SYTL3: variants seen among roughly 807,000 people sequenced by gnomAD.
The protein encoded by SYTL3 is synaptotagmin-like protein 3.
A neutral mutation model predicts 82.1 loss-of-function variants in SYTL3; 88 were observed. That is an observed-to-expected ratio of 1.07 (90% CI 0.90 to 1.28). The LOEUF (loss-of-function observed/expected upper bound fraction) is 1.28. SYTL3 is among the 50% of genes most tolerant of loss of function. The pLI is 0.00. For synonymous variants in SYTL3, 311 were observed against 289.4 expected (o/e 1.07, Z -0.76); for missense variants, 831 against 757.6 (o/e 1.10, Z -1.14).
chr6:158,683,077 C>T (rs1228062602), intron 6 of SYTL3, 88 bp downstream of exon 6: 2 of 957,634 alleles, frequency 2.1e-6, no homozygotes, highest in Non-Finnish European at 3.3e-6. Flanking sequence ...ATATAAGCAA[C>T]ATGATGGGTG....
At position 158,761,673 on chromosome 6, in the gene SYTL3, A is replaced by G. The variant is rs1583523264; in HGVS notation, c.1415-403A>G. On this transcript the variant is annotated intron_variant, in intron 15 of 17. Coordinates refer to ENST00000611299, the MANE Select transcript of SYTL3 (RefSeq NM_001242394.2). ...TTTGGCTAGAAGAGGAAATTCTGCT[A>G]CCCAAGTTCACGGGGTCACCAGCAG... Among the ~76,000 whole-genome samples the G allele has an allele frequency of 2.6e-5, 4 of 152,202 alleles. No individual in the cohort carries two copies. The East Asian group carries it at 7.7e-4, about 29-fold the overall frequency.
Position 158,764,623 on chromosome 6 carries a change from C to A in SYTL3, c.*19C>A. 2 of 1,586,158 alleles carry A rather than the reference C, an allele frequency of 1.3e-6. No homozygotes were observed. Among genetic ancestry groups the A allele is most frequent in the South Asian group, 2.2e-5 (2 of 90,564 alleles). On this transcript the variant is annotated 3_prime_UTR_variant, in exon 18 of 18. Coordinates refer to ENST00000611299, the MANE Select transcript of SYTL3 (RefSeq NM_001242394.2). ...GCACTGACATGAAGGCCTCAAGGTTCCAGGTTGCAGCAGGCGTGAGGCACT... is the reference window on the plus strand; with the variant it reads ...GCACTGACATGAAGGCCTCAAGGTTACAGGTTGCAGCAGGCGTGAGGCACT...
At chr6:158,724,475 T>C (rs957940466) in intron 10 of SYTL3, among the ~76,000 whole-genome samples, 1 of 151,432 alleles carries the variant, frequency 6.6e-6, no homozygotes, top group Admixed American at 6.6e-5. Context: ...TTGGAAACTG[T>C]ATATTTTCAG....
intron 11 of SYTL3, among the ~76,000 whole-genome samples, chr6:158,743,515 A>G (rs1787197598): frequency 7.1e-6 from 1 of 140,892 alleles, no homozygotes; most frequent in African/African-American, 2.7e-5. Context: ...GGCTGCTCAC[A>G]CCTTTTGCCA....
chr6:158,661,418 T>C (rs905202946), intron 3 of SYTL3, 33 bp downstream of exon 3: 2 of 152,230 alleles, frequency 1.3e-5, no homozygotes, highest in Non-Finnish European at 2.9e-5. Context: ...GCTTTGTGAT[T>C]TTCCCTTCAT....
intron 5 of SYTL3, among the ~76,000 whole-genome samples, chr6:158,666,692 C>G (rs1352627281): frequency 6.6e-6 from 1 of 152,212 alleles, no homozygotes; most frequent in Non-Finnish European, 1.5e-5. Flanking sequence ...GAGGCACTTA[C>G]ACAGTGTGGG....
chr6:158,646,593 A>G (rs536116319), upstream of SYTL3, among the ~76,000 whole-genome samples: 80 of 152,320 alleles, frequency 5.3e-4, no homozygotes, highest in African/African-American at 1.8e-3. Flanking sequence ...AGGGCTGGCG[A>G]GAGGAGGGCA....
chr6:158,680,666 C>G (rs1342762925), intron 5 of SYTL3, among the ~76,000 whole-genome samples: 4 of 151,344 alleles, frequency 2.6e-5, no homozygotes, highest in Non-Finnish European at 5.9e-5. Flanking sequence ...GTGGGAGGAT[C>G]GCTTGAGCCC....
intron 14 of SYTL3, among the ~76,000 whole-genome samples, chr6:158,758,209 G>A (rs1789399783): frequency 6.6e-6 from 1 of 152,130 alleles, no homozygotes; most frequent in African/African-American, 2.4e-5. Context: ...GGGAGGCCGA[G>A]GCGGGCAGAT....
Position 158,682,955 on chromosome 6 carries a change from C to T in SYTL3, c.360C>T (p.Phe120=). 1 of 1,613,476 alleles carries T rather than the reference C, an allele frequency of 6.2e-7. No individual in the cohort carries two copies. ...RNVKIKTGEW[F]YEERAKKFPT... is the part of the protein sequence containing the mutation. ...TCAAAATAAAAACTGGAGAATGGTTCTATGAGGAACGAGCCAAGAAATTTC... is the reference window on the plus strand; with the variant it reads ...TCAAAATAAAAACTGGAGAATGGTTTTATGAGGAACGAGCCAAGAAATTTC... The change falls in exon 6 of 18, where the codon TTC becomes TTT. Residue 120 remains phenylalanine (F), a synonymous_variant. Transcript: ENST00000611299.
intron 6 of SYTL3, among the ~76,000 whole-genome samples, chr6:158,699,336 G>GA (rs1780903464): frequency 6.6e-6 from 1 of 152,204 alleles, no homozygotes; most frequent in South Asian, 2.1e-4. Context: ...CACTGGTATG[G>GA]TTGGGGGTTA....
At chr6:158,735,888 A>G (rs1393616029) in intron 11 of SYTL3, among the ~76,000 whole-genome samples, 2 of 152,214 alleles carry the variant, frequency 1.3e-5, no homozygotes, top group Non-Finnish European at 2.9e-5. Context: ...CTAGAGGGCA[A>G]TTAGCAGTAG....
At chr6:158,652,701 C>T (rs1218962321) in intron 2 of SYTL3, among the ~76,000 whole-genome samples, 1 of 151,796 alleles carries the variant, frequency 6.6e-6, no homozygotes, top group East Asian at 1.9e-4. Context: ...ACCACCATGC[C>T]CGGCTAATTT....
chr6:158,696,915 C>G (rs1780621966), intron 6 of SYTL3, among the ~76,000 whole-genome samples: 1 of 151,874 alleles, frequency 6.6e-6, no homozygotes. Context: ...TAAGACCATT[C>G]AGTAGGGAAA....
chr6:158,678,757 A>T (rs1210505541), intron 5 of SYTL3, among the ~76,000 whole-genome samples: 1 of 152,140 alleles, frequency 6.6e-6, no homozygotes, highest in Non-Finnish European at 1.5e-5. Flanking sequence ...AGGTCTCCTG[A>T]TTCTATAGCT....
intron 13 of SYTL3, among the ~76,000 whole-genome samples, chr6:158,755,719 G>A (rs1284090374): frequency 1.3e-5 from 2 of 152,206 alleles, no homozygotes; most frequent in Non-Finnish European, 2.9e-5. Flanking sequence ...GAACCCCAAA[G>A]CAAACAAACC....
intron 11 of SYTL3, among the ~76,000 whole-genome samples, chr6:158,741,956 G>T (rs9456348): frequency 6.6e-6 from 1 of 152,020 alleles, no homozygotes; most frequent in Non-Finnish European, 1.5e-5. Context: ...CCGCCACTAC[G>T]CTCCTCATCT....
chr6:158,726,994 C>T (rs917919616), intron 11 of SYTL3, among the ~76,000 whole-genome samples: 83 of 151,642 alleles, frequency 5.5e-4, no homozygotes, highest in African/African-American at 1.9e-3. Flanking sequence ...GCACTACAGG[C>T]GCCCGCCACC....
chr6:158,672,544 G>GT (rs1050529923), intron 5 of SYTL3, among the ~76,000 whole-genome samples: 1 of 126,268 alleles, frequency 7.9e-6, no homozygotes, highest in Non-Finnish European at 1.6e-5. Context: ...AAACATACTG[G>GT]TTTTTTTGTT....
Sources: gnomAD v4.1 joint callset for allele counts (sites outside exome capture counted in the v4.1 genomes callset) on GRCh38, gnomAD v4.1.1 for gene constraint, MANE v1.5 for transcripts, NCBI Gene and HGNC (gene_info 2026-07-23, HGNC 2026-07-21) for gene names.